GBF1: variants seen among roughly 807,000 people sequenced by gnomAD.
GBF1 encodes Golgi-specific brefeldin A-resistance guanine nucleotide exchange factor 1.
In GBF1, 114 loss-of-function variants were observed where a neutral mutation model predicts 210.5. That is an observed-to-expected ratio of 0.54 (90% CI 0.47 to 0.63). GBF1 has a LOEUF of 0.63. GBF1 is among the 30% of genes least tolerant of loss of function. The pLI is 0.00. For synonymous variants in GBF1, 850 were observed against 889.2 expected (o/e 0.96, Z 0.78); for missense variants, 1,851 against 2,357.7 (o/e 0.79, Z 4.45).
At chr10:102,325,958 T>C (rs1249287212) in intron 3 of GBF1, among the ~76,000 whole-genome samples, 3 of 152,174 alleles carry the variant, frequency 2.0e-5, no homozygotes, top group Non-Finnish European at 2.9e-5. Context: ...CCTACACTTA[T>C]AAGAGTTCTA....
chr10:102,380,214 A>G (rs912829511), intron 36 of GBF1, 35 bp from the exon 37 acceptor site: 6 of 1,407,520 alleles, frequency 4.3e-6, no homozygotes, highest in Non-Finnish European at 6.1e-6. Flanking sequence ...AGGCTCCTAC[A>G]GTCCCCTCAG....
At chr10:102,347,325 G>C (rs911030956) in intron 4 of GBF1, among the ~76,000 whole-genome samples, 1 of 152,218 alleles carries the variant, frequency 6.6e-6, no homozygotes, top group Non-Finnish European at 1.5e-5. Context: ...AGGTGCATCA[G>C]CCTCTCCGAC....
chr10:102,291,127 C>T (rs1460804802), intron 3 of GBF1, among the ~76,000 whole-genome samples: 2 of 151,144 alleles, frequency 1.3e-5, no homozygotes, highest in Non-Finnish European at 2.9e-5. Context: ...TTTTTATTGC[C>T]AAGTCTCTTT....
intron 3 of GBF1, among the ~76,000 whole-genome samples, chr10:102,324,837 C>T (rs2056757874): frequency 6.6e-6 from 1 of 152,152 alleles, no homozygotes; most frequent in South Asian, 2.1e-4. Context: ...ATCTGCCTAC[C>T]TCTGCCTCCC....
At chr10:102,303,738 C>G (rs1412894510) in intron 3 of GBF1, among the ~76,000 whole-genome samples, 1 of 152,170 alleles carries the variant, frequency 6.6e-6, no homozygotes, top group Non-Finnish European at 1.5e-5. Context: ...ACCAAGTACT[C>G]TAAATTATCT....
intron 4 of GBF1, among the ~76,000 whole-genome samples, chr10:102,348,966 T>C (rs1296643360): frequency 6.6e-6 from 1 of 151,952 alleles, no homozygotes; most frequent in African/African-American, 2.4e-5. Context: ...CTGGACAATA[T>C]GGGGAAACCC....
the GBF1 span, among the ~76,000 whole-genome samples, chr10:102,234,314 G>T: frequency 6.6e-6 from 1 of 152,248 alleles, no homozygotes; most frequent in South Asian, 2.1e-4. Context: ...CGAGGTCAAG[G>T]CAGGAGGTTG....
intron 3 of GBF1, among the ~76,000 whole-genome samples, chr10:102,300,853 A>G (rs1045268484): frequency 6.6e-6 from 1 of 152,192 alleles, no homozygotes; most frequent in Non-Finnish European, 1.5e-5. Flanking sequence ...TTGAGGAGAC[A>G]ATGCCAAATT....
intron 8 of GBF1, among the ~76,000 whole-genome samples, chr10:102,357,486 CAA>C (rs1173962338): frequency 2.3e-4 from 23 of 101,084 alleles, no homozygotes; most frequent in Admixed American, 3.2e-4. Flanking sequence ...GACTCCATCT[CAA>C]AAAAAAAAAA....
At chr10:102,274,108 T>A (rs1653991605) in intron 3 of GBF1, among the ~76,000 whole-genome samples, 1 of 152,154 alleles carries the variant, frequency 6.6e-6, no homozygotes, top group African/African-American at 2.4e-5. Flanking sequence ...AGGGACCTAG[T>A]TTTCAAGGAG....
chr10:102,352,044 C>G (rs2059016878), intron 6 of GBF1, 93 bp downstream of exon 6: 1 of 767,062 alleles, frequency 1.3e-6, no homozygotes, highest in Admixed American at 1.9e-5. Flanking sequence ...ATGGAAAATT[C>G]AGGACTTCTC....
intron 3 of GBF1, among the ~76,000 whole-genome samples, chr10:102,261,377 T>C (rs1476017035): frequency 6.6e-6 from 1 of 152,126 alleles, no homozygotes; most frequent in African/African-American, 2.4e-5. Context: ...AGAGCTATGT[T>C]CCTTTGTTGA....
chr10:102,352,106 GC>G (rs1335875794), intron 6 of GBF1, among the ~76,000 whole-genome samples, 155 bp downstream of exon 6: 2 of 152,162 alleles, frequency 1.3e-5, no homozygotes, highest in African/African-American at 4.8e-5. Flanking sequence ...TCTGTACTTG[GC>G]TATTGTGAAG....
intron 3 of GBF1, among the ~76,000 whole-genome samples, chr10:102,335,016 G>T (rs2057629980): frequency 6.6e-6 from 1 of 151,998 alleles, no homozygotes; most frequent in Non-Finnish European, 1.5e-5. Context: ...CTGCCCAGTC[G>T]TATTGAGTAC....
intron 17 of GBF1, among the ~76,000 whole-genome samples, chr10:102,364,655 C>T (rs1305335978): frequency 6.6e-6 from 1 of 151,324 alleles, no homozygotes; most frequent in East Asian, 2.0e-4. Context: ...TTGAGACCAG[C>T]CTGGCTAACA....
At chr10:102,298,233 G>A (rs1230314186) in intron 3 of GBF1, among the ~76,000 whole-genome samples, 3 of 151,758 alleles carry the variant, frequency 2.0e-5, no homozygotes, top group Admixed American at 6.6e-5. Context: ...ATGCCCGGCC[G>A]AAACTAATAG....
intron 3 of GBF1, among the ~76,000 whole-genome samples, chr10:102,277,340 T>A (rs978394830): frequency 5.3e-5 from 8 of 151,150 alleles, no homozygotes; most frequent in African/African-American, 1.9e-4. Flanking sequence ...GAAAAGTACA[T>A]AAATAAATAA....
chr10:102,270,719 A>C (rs1027019134), intron 3 of GBF1, among the ~76,000 whole-genome samples: 14 of 152,186 alleles, frequency 9.2e-5, no homozygotes, highest in African/African-American at 3.4e-4. Flanking sequence ...AAACAACAAT[A>C]ATTTGCCAAT....
chr10:102,307,375 G>A (rs1589576203), intron 3 of GBF1, among the ~76,000 whole-genome samples: 1 of 140,768 alleles, frequency 7.1e-6, no homozygotes, highest in Non-Finnish European at 1.5e-5. Context: ...AGACATATAT[G>A]AAATACAGTA....
Sources: gnomAD v4.1 joint callset for allele counts (sites outside exome capture counted in the v4.1 genomes callset) on GRCh38, gnomAD v4.1.1 for gene constraint, MANE v1.5 for transcripts, NCBI Gene and HGNC (gene_info 2026-07-23, HGNC 2026-07-21) for gene names.